The following B4GALT4 variants were observed in gnomAD, a reference collection of about 807,000 sequenced individuals.
B4GALT4 encodes the protein beta-1,4-galactosyltransferase 4.
Under a neutral mutation model 37.3 loss-of-function variants are expected in B4GALT4, and 27 were observed. The ratio of observed to expected loss-of-function variants is 0.72; its 90% CI spans 0.53 to 1.00. The LOEUF (loss-of-function observed/expected upper bound fraction) is 1.00. Among genes scored for constraint, B4GALT4 ranks in the 50% least tolerant of loss-of-function variants. The probability of loss-of-function intolerance (pLI) is 0.00; values close to 1 mark genes in which losing one functional copy is unlikely to be tolerated. For synonymous variants in B4GALT4, 148 were observed against 154.1 expected (o/e 0.96, Z 0.29); for missense variants, 372 against 413.1 (o/e 0.90, Z 0.86).
intron 4 of B4GALT4, chr3:119,226,490 A>G (rs1189577573): frequency 2.8e-6 from 1 of 355,544 alleles, no homozygotes; most frequent in Non-Finnish European, 5.3e-6. Context: ...CATGGCACGC[A>G]CAGAAAGAAA....
chr3:119,216,664 A>G (rs2078302605), intron 6 of B4GALT4, among the ~76,000 whole-genome samples: 1 of 152,232 alleles, frequency 6.6e-6, no homozygotes, highest in East Asian at 1.9e-4. Context: ...ATGATAAAGT[A>G]CTTATTTCAA....
At chr3:119,222,716 GCT>G (rs1185314459) in intron 5 of B4GALT4, among the ~76,000 whole-genome samples, 1 of 152,148 alleles carries the variant, frequency 6.6e-6, no homozygotes, top group Non-Finnish European at 1.5e-5. Context: ...ACTGCGCTGT[GCT>G]CTCTGGCATG....
At chr3:119,219,562 T>G (rs1170922388) in intron 5 of B4GALT4, among the ~76,000 whole-genome samples, 2 of 152,228 alleles carry the variant, frequency 1.3e-5, no homozygotes, top group Non-Finnish European at 2.9e-5. Context: ...GGAAATAAGC[T>G]GTTATCATGT....
At chr3:119,235,017 T>C (rs1337840381) in intron 2 of B4GALT4, 1 of 152,204 alleles carries the variant, frequency 6.6e-6, no homozygotes, top group Non-Finnish European at 1.5e-5. Context: ...AGGGTTTATT[T>C]CTATCTTTTT....
intron 6 of B4GALT4, 89 bp from the exon 7 acceptor site, chr3:119,216,433 C>T (rs1219072256): frequency 4.1e-6 from 2 of 486,888 alleles, no homozygotes; most frequent in Non-Finnish European, 6.9e-6. Flanking sequence ...AATTTATACA[C>T]ACACACGCAC....
intron 4 of B4GALT4, among the ~76,000 whole-genome samples, chr3:119,225,215 T>C (rs1203627360): frequency 6.6e-6 from 1 of 152,248 alleles, no homozygotes; most frequent in Non-Finnish European, 1.5e-5. Context: ...GTTTGACCTG[T>C]AATATGATTG....
In B4GALT4 at chr3:119,211,826, T is replaced by A. The variant is rs2078170147; in HGVS notation, c.*723A>T. 3.5e-6 allele frequency: 1 copy of A among 285,836 alleles called. No individual in the cohort carries two copies. Among genetic ancestry groups the A allele is most frequent in the African/African-American group, 2.1e-5 (1 of 46,772 alleles). 17.7% of individuals were successfully genotyped at this position (285,836 alleles called of 1,614,324 possible). ...TAAACTTGTAAACTGCTAATTCATA[T>A]CCTACTTGTACAAAATCATTTTACA... On this transcript the variant is annotated 3_prime_UTR_variant, in exon 8 of 8. Coordinates refer to ENST00000393765, the MANE Select transcript of B4GALT4 (RefSeq NM_003778.4).
rs2078749081 is a variant in B4GALT4, at chr3:119,229,763, G to C, written c.253+84C>G. The C allele has an allele frequency of 2.9e-6, 4 of 1,388,262 alleles. No homozygotes were observed. The African/African-American group carries it at 5.8e-5, about 20-fold the overall frequency. 86.0% of individuals were successfully genotyped at this position (1,388,262 alleles called of 1,614,324 possible). ...ATATATATATTTATGGGGTACATGA[G>C]ATGTTTTGATACAGGCAAGTACATA... On this transcript the variant is annotated intron_variant, in intron 3 of 7. Coordinates refer to ENST00000393765, the MANE Select transcript of B4GALT4 (RefSeq NM_003778.4).
At chr3:119,232,525 G>A (rs1344376726) in intron 2 of B4GALT4, 23 of 152,076 alleles carry the variant, frequency 1.5e-4, no homozygotes, top group Admixed American at 1.5e-3. Context: ...TTGGTGCCTG[G>A]GTAGTCCCAA....
chr3:119,217,153 T>C (rs1394119958), intron 6 of B4GALT4, among the ~76,000 whole-genome samples: 2 of 152,234 alleles, frequency 1.3e-5, no homozygotes, highest in South Asian at 2.1e-4. Flanking sequence ...AGCTGAAGCA[T>C]AGCAGGAAAG....
rs753058429 is a variant in B4GALT4, at chr3:119,212,622, GAAC to G, written c.959_961del (p.Cys320del). ...GTGTTCCACAGATACTAATTTATAA[GAAC>G]AACTACTCAACCCATCTGTTCTCCA... is the stretch of plus-strand genomic sequence containing the variant. On this transcript the variant is annotated inframe_deletion, in exon 8 of 8. Coordinates refer to ENST00000393765, the MANE Select transcript of B4GALT4 (RefSeq NM_003778.4). 6 of 1,613,010 alleles carry G rather than the reference GAAC, an allele frequency of 3.7e-6. No homozygotes were observed. Among genetic ancestry groups the G allele is most frequent in the Non-Finnish European group, 5.1e-6 (6 of 1,179,580 alleles).
In B4GALT4 at chr3:119,223,707, G is replaced by T. The variant is rs1003684536; in HGVS notation, c.674+351C>A. 1.4e-4 allele frequency among the ~76,000 whole-genome samples: 22 copies of T among 152,236 alleles called. 1 individual carries two copies. The South Asian group carries it at 4.6e-3, about 32-fold the overall frequency. ...GGACACCAGCCTGTTGCCTCCTAGAGGGGGAGTCAGGAATAGACAAACAAG... is the reference window on the plus strand; with the variant it reads ...GGACACCAGCCTGTTGCCTCCTAGATGGGGAGTCAGGAATAGACAAACAAG... On this transcript the variant is annotated intron_variant, in intron 5 of 7. Transcript: ENST00000393765.
At chr3:119,224,449 T>C (rs565699148) in intron 4 of B4GALT4, among the ~76,000 whole-genome samples, 1 of 152,370 alleles carries the variant, frequency 6.6e-6, no homozygotes, top group East Asian at 1.9e-4. Flanking sequence ...CATACTTATA[T>C]TCCAGAACTT....
At chr3:119,213,652 A>G (rs2078216552) in intron 7 of B4GALT4, 1 of 152,206 alleles carries the variant, frequency 6.6e-6, no homozygotes, top group African/African-American at 2.4e-5. Flanking sequence ...GGGAGATGTG[A>G]AGGAGGAGAC....
At chr3:119,222,853 A>G (rs1248417517) in intron 5 of B4GALT4, among the ~76,000 whole-genome samples, 2 of 152,130 alleles carry the variant, frequency 1.3e-5, no homozygotes, top group Admixed American at 6.5e-5. Flanking sequence ...CACCCACCAT[A>G]GTTTGTTCTA....
chr3:119,228,888 CT>C (rs2078718032), intron 3 of B4GALT4, among the ~76,000 whole-genome samples: 1 of 152,170 alleles, frequency 6.6e-6, no homozygotes, highest in Non-Finnish European at 1.5e-5. Flanking sequence ...CTCTCTTTCC[CT>C]TTCCCCCTGC....
chr3:119,238,004 T>C (rs893081528), intron 1 of B4GALT4, among the ~76,000 whole-genome samples: 10 of 152,298 alleles, frequency 6.6e-5, no homozygotes, highest in Admixed American at 1.3e-4. Flanking sequence ...TGATGGCTCA[T>C]GCCTGTAATC....
chr3:119,220,630 G>A (rs936408482), intron 5 of B4GALT4, among the ~76,000 whole-genome samples: 2 of 152,194 alleles, frequency 1.3e-5, no homozygotes, highest in African/African-American at 4.8e-5. Context: ...GAAAGACACA[G>A]GCTGCCCGAC....
In B4GALT4 at chr3:119,211,972, T is replaced by C. The variant is rs1407406602; in HGVS notation, c.*577A>G. ...GCAACCAGCTCAGCTACTGCTGCCT[T>C]TGCAGCCGACACTCCACCCTCCTGC... On this transcript the variant is annotated 3_prime_UTR_variant, in exon 8 of 8. Coordinates refer to ENST00000393765, the MANE Select transcript of B4GALT4 (RefSeq NM_003778.4). 3.5e-6 allele frequency: 2 copies of C among 570,172 alleles called. No individual in the cohort carries two copies. Among genetic ancestry groups the C allele is most frequent in the Non-Finnish European group, 6.2e-6 (2 of 320,368 alleles). 35.3% of individuals were successfully genotyped at this position (570,172 alleles called of 1,614,324 possible).
Sources: gnomAD v4.1 joint callset for allele counts (sites outside exome capture counted in the v4.1 genomes callset) on GRCh38, gnomAD v4.1.1 for gene constraint, MANE v1.5 for transcripts, NCBI Gene and HGNC (gene_info 2026-07-23, HGNC 2026-07-21) for gene names.